MARCHF1: variants seen among roughly 807,000 people sequenced by gnomAD.
MARCHF1 encodes E3 ubiquitin-protein ligase MARCHF1.
Under a neutral mutation model 54.2 loss-of-function variants are expected in MARCHF1, and 40 were observed. The observed-to-expected ratio is 0.74, with a 90% CI of 0.57 to 0.96. The LOEUF is 0.96. MARCHF1 is among the 40% of genes least tolerant of loss of function. The probability of loss-of-function intolerance (pLI) is 0.00; values close to 1 mark genes in which losing one functional copy is unlikely to be tolerated. For synonymous variants in MARCHF1, 236 were observed against 236.3 expected, an observed-to-expected ratio of 1.00 and a Z score of 0.01; for missense variants, 586 against 656.5, an observed-to-expected ratio of 0.89 and a Z score of 1.17.
intron 9 of MARCHF1, among the ~76,000 whole-genome samples, chr4:163,544,390 C>T (rs1049055336): frequency 6.6e-5 from 10 of 152,144 alleles, no homozygotes; most frequent in Admixed American, 5.9e-4. Context: ...CATTTAGACT[C>T]GACACGGTAG....
chr4:163,932,975 T>C, intron 3 of MARCHF1: 1 of 797,492 alleles, frequency 1.3e-6, no homozygotes. Context: ...AAAAGGCATT[T>C]GATATAAGCA....
At chr4:163,944,279 G>A (rs1035680716) in intron 3 of MARCHF1, among the ~76,000 whole-genome samples, 1 of 152,066 alleles carries the variant, frequency 6.6e-6, no homozygotes, top group African/African-American at 2.4e-5. Context: ...ACCGCGCCTG[G>A]CCAGAAATAT....
chr4:164,146,801 A>G (rs1343118035), intron 1 of MARCHF1, among the ~76,000 whole-genome samples: 1 of 152,180 alleles, frequency 6.6e-6, no homozygotes, highest in African/African-American at 2.4e-5. Flanking sequence ...AGCAATGGCA[A>G]CAGAAGCCAA....
At chr4:163,545,470 AG>A (rs1421750639) in intron 9 of MARCHF1, 125 bp downstream of exon 9, 5 of 815,012 alleles carry the variant, frequency 6.1e-6, no homozygotes, top group Non-Finnish European at 9.4e-6. Flanking sequence ...AAGAATCAAT[AG>A]CAAATACTAG....
chr4:163,935,298 C>T (rs749330498), intron 3 of MARCHF1, among the ~76,000 whole-genome samples: 26 of 152,304 alleles, frequency 1.7e-4, no homozygotes, highest in South Asian at 4.1e-4. Flanking sequence ...CGGGCATTGA[C>T]TTATCTTCCC....
At chr4:164,007,551 T>C (rs1335329595) in intron 2 of MARCHF1, among the ~76,000 whole-genome samples, 1 of 150,852 alleles carries the variant, frequency 6.6e-6, no homozygotes, top group East Asian at 2.0e-4. Context: ...ACTAAAGAGA[T>C]AGGTAATATA....
At chr4:163,835,123 T>A (rs1003022665) in intron 4 of MARCHF1, among the ~76,000 whole-genome samples, 5 of 152,134 alleles carry the variant, frequency 3.3e-5, no homozygotes, top group African/African-American at 1.2e-4. Context: ...CCTTAAGTGA[T>A]CCTTCCACTC....
intron 5 of MARCHF1, among the ~76,000 whole-genome samples, chr4:163,616,823 T>A (rs1206801368): frequency 6.7e-6 from 1 of 150,034 alleles, no homozygotes; most frequent in African/African-American, 2.5e-5. Context: ...TGTAATTTAG[T>A]ACAGACATTA....
At chr4:163,982,450 C>T (rs1203771022) in intron 3 of MARCHF1, among the ~76,000 whole-genome samples, 1 of 152,168 alleles carries the variant, frequency 6.6e-6, no homozygotes, top group East Asian at 1.9e-4. Flanking sequence ...CAGCTATTTC[C>T]CATCTCATAA....
chr4:163,930,681 T>C (rs559827292), intron 3 of MARCHF1, among the ~76,000 whole-genome samples: 2 of 152,112 alleles, frequency 1.3e-5, no homozygotes, highest in Non-Finnish European at 2.9e-5. Flanking sequence ...CTTAGATAAA[T>C]CACAGGTTTT....
chr4:164,328,373 T>G (rs1184776705), intron 1 of MARCHF1, among the ~76,000 whole-genome samples: 1 of 152,160 alleles, frequency 6.6e-6, no homozygotes, highest in African/African-American at 2.4e-5. Flanking sequence ...TATAAAATCT[T>G]AAAACAATTA....
At chr4:164,048,616 T>A (rs181320677) in intron 2 of MARCHF1, among the ~76,000 whole-genome samples, 1 of 152,300 alleles carries the variant, frequency 6.6e-6, no homozygotes, top group Non-Finnish European at 1.5e-5. Context: ...AAGAATGATG[T>A]CTTTGTTTCC....
intron 8 of MARCHF1, among the ~76,000 whole-genome samples, chr4:163,552,027 TATA>T (rs1378488114): frequency 3.9e-5 from 6 of 152,332 alleles, no homozygotes; most frequent in African/African-American, 7.2e-5. Context: ...AAACCTCAGA[TATA>T]ATAGCCATAA....
chr4:164,131,943 C>T (rs144116763), intron 1 of MARCHF1, among the ~76,000 whole-genome samples: 1,757 of 152,214 alleles, frequency 0.012, 38 homozygotes, highest in African/African-American at 0.04. Flanking sequence ...CCAGAAATTA[C>T]TTGAGAATAT....
chr4:163,878,312 A>G (rs370996057), intron 3 of MARCHF1, among the ~76,000 whole-genome samples: 3 of 152,308 alleles, frequency 2.0e-5, no homozygotes, highest in African/African-American at 7.2e-5. Flanking sequence ...ATATTTGCTC[A>G]TGCATATGAA....
intron 3 of MARCHF1, among the ~76,000 whole-genome samples, chr4:163,979,454 C>T: frequency 6.9e-6 from 1 of 144,128 alleles, no homozygotes; most frequent in Non-Finnish European, 1.5e-5. Context: ...CAAGTCTTTG[C>T]TATTGTGAAT....
At chr4:163,737,159 TCTTTC>T (rs555164242) in intron 4 of MARCHF1, among the ~76,000 whole-genome samples, 1,745 of 97,876 alleles carry the variant, frequency 0.018, 113 homozygotes, top group African/African-American at 0.06. Context: ...GCAGCTTTTT[TCTTTC>T]TTTTTTTTTT....
intron 3 of MARCHF1, among the ~76,000 whole-genome samples, chr4:163,959,597 T>G (rs925583050): frequency 2.0e-5 from 3 of 151,872 alleles, no homozygotes; most frequent in African/African-American, 7.2e-5. Context: ...GGTGTTAGGA[T>G]AACTGAGTAG....
intron 4 of MARCHF1, among the ~76,000 whole-genome samples, chr4:163,814,604 A>G (rs921995145): frequency 6.6e-6 from 1 of 152,134 alleles, no homozygotes; most frequent in African/African-American, 2.4e-5. Context: ...AAAATAAAAA[A>G]TTGTTTGCTG....
Sources: allele counts gnomAD v4.1 joint callset (sites outside exome capture counted in the v4.1 genomes callset), GRCh38; gene constraint gnomAD v4.1.1; transcripts MANE v1.5; gene names NCBI Gene and HGNC (gene_info 2026-07-23, HGNC 2026-07-21).